ERGIC1: variants seen among roughly 807,000 people sequenced by gnomAD.
ERGIC1 encodes the protein endoplasmic reticulum-golgi intermediate compartment 1.
In ERGIC1, 19 loss-of-function variants were observed where a neutral mutation model predicts 38.3. The ratio of observed to expected loss-of-function variants is 0.50; its 90% CI spans 0.35 to 0.73. The LOEUF (loss-of-function observed/expected upper bound fraction) is 0.73. ERGIC1 is among the 30% of genes least tolerant of loss of function. ERGIC1 has a pLI of 0.01. For synonymous variants in ERGIC1, 124 were observed against 157.6 expected, an observed-to-expected ratio of 0.79 and a Z score of 1.60; for missense variants, 294 against 389.2, an observed-to-expected ratio of 0.76 and a Z score of 2.06.
At chr5:172,841,336 C>T (rs181045514) in intron 1 of ERGIC1, among the ~76,000 whole-genome samples, 2 of 152,268 alleles carry the variant, frequency 1.3e-5, no homozygotes, top group African/African-American at 4.8e-5. Flanking sequence ...ACCTCTTCTC[C>T]CTCTGAGTGG....
At chr5:172,936,034 T>G (rs1040684125) in intron 9 of ERGIC1, 3 of 152,234 alleles carry the variant, frequency 2.0e-5, no homozygotes, top group Non-Finnish European at 2.9e-5. Context: ...GACCTAAAGA[T>G]AAATATGGCA....
intron 2 of ERGIC1, among the ~76,000 whole-genome samples, chr5:172,893,931 G>A (rs1454610025): frequency 0.012 from 651 of 52,550 alleles, 51 homozygotes; most frequent in African/African-American, 0.046. Context: ...GTGTGTGTGT[G>A]TGTGTATATA....
chr5:172,909,114 C>A (rs1282081947), intron 3 of ERGIC1, among the ~76,000 whole-genome samples: 3 of 150,596 alleles, frequency 2.0e-5, no homozygotes, highest in Non-Finnish European at 4.4e-5. Flanking sequence ...TATGCTCTTA[C>A]CACCGTGCTA....
At chr5:172,894,601 C>CAAGTTCTTCCCTCTTCTCCATCTCT (rs1762678863) in intron 2 of ERGIC1, among the ~76,000 whole-genome samples, 1 of 152,168 alleles carries the variant, frequency 6.6e-6, no homozygotes, top group South Asian at 2.1e-4. Flanking sequence ...GCCCTTCACT[C>CAAGTTCTTCCCTCTTCTCCATCTCT]GGAGCCTAAG....
rs181254362 is a variant in ERGIC1 at position 172,855,495 on chromosome 5, T to A, written c.20+21062T>A. ...TACCTGGCTGACCCCACAGACATGG[T>A]CCCCACTGTCATGGGGCTTACACTT... On this transcript the variant is annotated intron_variant, in intron 1 of 9. Coordinates refer to ENST00000393784, the MANE Select transcript of ERGIC1 (RefSeq NM_001031711.3). Among the ~76,000 whole-genome samples the A allele has an allele frequency of 6.5e-4, 99 of 152,254 alleles. 2 individuals are homozygous for A. The highest frequency in any genetic ancestry group is 2.9e-5 in the Non-Finnish European group (2 of 68,018).
intron 2 of ERGIC1, among the ~76,000 whole-genome samples, chr5:172,895,650 A>G (rs1481397526): frequency 6.6e-6 from 1 of 152,072 alleles, no homozygotes; most frequent in East Asian, 1.9e-4. Context: ...GAACACAGAC[A>G]AAAGAGTGAC....
chr5:172,893,901 A>ATGTGTGTGTGTGTG (rs1334354595), intron 2 of ERGIC1, among the ~76,000 whole-genome samples: 1 of 13,574 alleles, frequency 7.4e-5, no homozygotes, highest in Non-Finnish European at 3.5e-4. Flanking sequence ...ATATATATAT[A>ATGTGTGTGTGTGTG]TATATGTGTG....
intron 6 of ERGIC1, 48 bp downstream of exon 6, chr5:172,924,157 G>C: frequency 6.4e-7 from 1 of 1,570,636 alleles, no homozygotes; most frequent in Non-Finnish European, 8.7e-7. Context: ...GGGCCTTCAG[G>C]GGCTCTGTCA....
intron 9 of ERGIC1, among the ~76,000 whole-genome samples, chr5:172,945,503 T>C (rs1257723411): frequency 6.6e-6 from 1 of 152,164 alleles, no homozygotes; most frequent in Non-Finnish European, 1.5e-5. Flanking sequence ...AATATTTTAC[T>C]GATTTTTCTG....
intron 7 of ERGIC1, chr5:172,931,111 C>T (rs1763766585): frequency 2.0e-5 from 3 of 152,154 alleles, no homozygotes; most frequent in African/African-American, 7.2e-5. Flanking sequence ...ACTGACTCGA[C>T]TCTGCGACCA....
intron 3 of ERGIC1, among the ~76,000 whole-genome samples, chr5:172,903,968 TACAC>T (rs70984919): frequency 5.3e-5 from 8 of 150,400 alleles, no homozygotes; most frequent in African/African-American, 7.3e-5. Flanking sequence ...GTCTCACACA[TACAC>T]ACACACACAC....
chr5:172,886,945 A>C (rs1581542136), intron 1 of ERGIC1, among the ~76,000 whole-genome samples: 1 of 152,086 alleles, frequency 6.6e-6, no homozygotes, highest in Admixed American at 6.6e-5. Context: ...CAACCTCCCG[A>C]CCACACCCCA....
At chr5:172,843,274 G>A (rs931302020) in intron 1 of ERGIC1, among the ~76,000 whole-genome samples, 1 of 152,172 alleles carries the variant, frequency 6.6e-6, no homozygotes, top group African/African-American at 2.4e-5. Context: ...CTGTAGTTGC[G>A]TTTTCACTCC....
chr5:172,840,411 G>C (rs571943086), intron 1 of ERGIC1, among the ~76,000 whole-genome samples: 1 of 152,340 alleles, frequency 6.6e-6, no homozygotes, highest in South Asian at 2.1e-4. Context: ...AGGGTGTGAA[G>C]AGGGTATTTG....
chr5:172,845,976 G>A (rs1284373390), intron 1 of ERGIC1, among the ~76,000 whole-genome samples: 1 of 152,166 alleles, frequency 6.6e-6, no homozygotes, highest in Non-Finnish European at 1.5e-5. Context: ...CAGCCTTGAG[G>A]AAGACAGGCC....
chr5:172,921,051 G>C (rs933351938), intron 5 of ERGIC1, among the ~76,000 whole-genome samples: 2 of 152,208 alleles, frequency 1.3e-5, no homozygotes, highest in Non-Finnish European at 2.9e-5. Context: ...GGTTGGCTCC[G>C]ATGACAAACA....
intron 2 of ERGIC1, among the ~76,000 whole-genome samples, chr5:172,896,741 C>T (rs749705818): frequency 6.6e-6 from 1 of 152,246 alleles, no homozygotes; most frequent in Non-Finnish European, 1.5e-5. Flanking sequence ...TTAAAGAGCT[C>T]TCCTGGAAGG....
intron 3 of ERGIC1, among the ~76,000 whole-genome samples, chr5:172,908,680 A>ACAGAGTC (rs1763120544): frequency 6.6e-6 from 1 of 152,158 alleles, no homozygotes; most frequent in Non-Finnish European, 1.5e-5. Flanking sequence ...GAAGCTGAAA[A>ACAGAGTC]AGGCAAGAAA....
chr5:172,947,732 G>A (rs1317960215), intron 9 of ERGIC1, among the ~76,000 whole-genome samples: 1 of 152,168 alleles, frequency 6.6e-6, no homozygotes, highest in African/African-American at 2.4e-5. Context: ...CAGGCGATGT[G>A]CTTTCCTGTG....
Sources: gnomAD v4.1 joint callset for allele counts (sites outside exome capture counted in the v4.1 genomes callset) on GRCh38, gnomAD v4.1.1 for gene constraint, MANE v1.5 for transcripts, NCBI Gene and HGNC (gene_info 2026-07-23, HGNC 2026-07-21) for gene names.